Variants in PIGK observed in about 807,000 individuals in gnomAD.
PIGK encodes the protein phosphatidylinositol glycan anchor biosynthesis class K.
Under a neutral mutation model 50.6 loss-of-function variants are expected in PIGK, and 42 were observed. The observed-to-expected ratio is 0.83, with a 90% CI of 0.65 to 1.07. The LOEUF (loss-of-function observed/expected upper bound fraction) is 1.07, where lower values mean the gene tolerates loss of function less well. Ranked by LOEUF, PIGK falls within the 50% of genes least tolerant of loss-of-function variation. The pLI, the probability that PIGK is intolerant of heterozygous loss-of-function variation, is 0.00. For synonymous variants in PIGK, 151 were observed against 156.0 expected, an observed-to-expected ratio of 0.97 and a Z score of 0.24; for missense variants, 448 against 488.7, an observed-to-expected ratio of 0.92 and a Z score of 0.78.
At chr1:77,108,153 G>A (rs973629579) in intron 10 of PIGK, among the ~76,000 whole-genome samples, 11 of 152,170 alleles carry the variant, frequency 7.2e-5, no homozygotes, top group East Asian at 5.8e-4. Context: ...TGGTTATTTC[G>A]CTCGTTAGTT....
intron 2 of PIGK, among the ~76,000 whole-genome samples, chr1:77,208,791 A>C (rs1157840884): frequency 6.6e-6 from 1 of 152,214 alleles, no homozygotes; most frequent in Non-Finnish European, 1.5e-5. Context: ...TTACATTTAA[A>C]ACAAACAAGT....
intron 10 of PIGK, among the ~76,000 whole-genome samples, chr1:77,103,612 G>T (rs771633145): frequency 6.6e-6 from 1 of 152,188 alleles, no homozygotes; most frequent in Non-Finnish European, 1.5e-5. Flanking sequence ...CAAGCTCATT[G>T]CCTGTAGGCA....
intron 8 of PIGK, among the ~76,000 whole-genome samples, chr1:77,155,316 T>A (rs1570228232): frequency 6.6e-6 from 1 of 152,318 alleles, no homozygotes; most frequent in East Asian, 1.9e-4. Context: ...AATTTTTCTG[T>A]TAATCTTATC....
intron 3 of PIGK, among the ~76,000 whole-genome samples, chr1:77,173,702 G>A (rs895244278): frequency 1.2e-4 from 18 of 152,212 alleles, no homozygotes; most frequent in African/African-American, 3.4e-4. Context: ...TTGTCTTTCT[G>A]TATGGTTCTG....
chr1:77,131,693 G>A (rs1654374623), intron 9 of PIGK, among the ~76,000 whole-genome samples: 1 of 151,956 alleles, frequency 6.6e-6, no homozygotes, highest in African/African-American at 2.4e-5. Flanking sequence ...GTATTGATAT[G>A]ATGAAATACA....
At chr1:77,102,761 G>C (rs1226321195) in intron 10 of PIGK, among the ~76,000 whole-genome samples, 1 of 152,206 alleles carries the variant, frequency 6.6e-6, no homozygotes, top group Non-Finnish European at 1.5e-5. Flanking sequence ...TTTTGATGCA[G>C]ATAGTCCAGA....
At chr1:77,138,634 G>A (rs1654576362) in intron 9 of PIGK, among the ~76,000 whole-genome samples, 1 of 152,172 alleles carries the variant, frequency 6.6e-6, no homozygotes, top group Admixed American at 6.5e-5. Context: ...GTGTTGTCTT[G>A]CACTGCTGAG....
At chr1:77,160,374 G>A (rs533949068) in intron 8 of PIGK, among the ~76,000 whole-genome samples, 1 of 152,288 alleles carries the variant, frequency 6.6e-6, no homozygotes, top group East Asian at 1.9e-4. Context: ...GCCTATAGCA[G>A]TGGGCTTCAG....
intron 9 of PIGK, chr1:77,154,081 C>T (rs1352088871): frequency 3.5e-6 from 1 of 288,860 alleles, no homozygotes; most frequent in Non-Finnish European, 6.3e-6. Flanking sequence ...CTCCCCAAGG[C>T]AGTACCTGGT....
chr1:77,157,820 C>T (rs1655042117), intron 8 of PIGK, among the ~76,000 whole-genome samples: 1 of 152,044 alleles, frequency 6.6e-6, no homozygotes, highest in Non-Finnish European at 1.5e-5. Flanking sequence ...CAAATCTTTC[C>T]CATGCTGTTC....
intron 9 of PIGK, chr1:77,128,975 C>G (rs574504435): frequency 1.7e-6 from 1 of 601,922 alleles, no homozygotes; most frequent in Non-Finnish European, 3.0e-6. Context: ...GAAAATTACA[C>G]AAAATTTGAA....
At chr1:77,152,381 T>A (rs553172119) in intron 9 of PIGK, among the ~76,000 whole-genome samples, 1 of 152,142 alleles carries the variant, frequency 6.6e-6, no homozygotes, top group East Asian at 1.9e-4. Context: ...ATCTAAGACC[T>A]GAAACTGTGA....
intron 3 of PIGK, among the ~76,000 whole-genome samples, chr1:77,173,569 C>T (rs943820512): frequency 6.6e-6 from 1 of 152,184 alleles, no homozygotes; most frequent in African/African-American, 2.4e-5. Flanking sequence ...GACTTCTGGC[C>T]TCTCTCTGTG....
rs546248407 is a variant in PIGK, at chr1:77,142,706, A to G, written c.986+11743T>C. Among the ~76,000 whole-genome samples the G allele has an allele frequency of 1.0e-3, 159 of 152,168 alleles. 1 individual carries two copies. The highest frequency in any genetic ancestry group is 3.6e-3 in the African/African-American group (149 of 41,514). ...AGGGGAAAGGCCAGACACTTATAAA[A>G]CCATCAGATCTTATAAGAACCCACT... On this transcript the variant is annotated intron_variant, in intron 9 of 10. Coordinates refer to ENST00000370812, the MANE Select transcript of PIGK (RefSeq NM_005482.3).
chr1:77,212,155 C>T (rs893628564), intron 1 of PIGK, among the ~76,000 whole-genome samples: 4 of 152,154 alleles, frequency 2.6e-5, no homozygotes, highest in African/African-American at 7.2e-5. Flanking sequence ...TAACACCATC[C>T]TGACACCTAA....
intron 9 of PIGK, among the ~76,000 whole-genome samples, chr1:77,149,976 C>A (rs917178886): frequency 4.6e-5 from 7 of 150,550 alleles, no homozygotes; most frequent in Non-Finnish European, 8.9e-5. Flanking sequence ...ATGGAAATAA[C>A]ATTCTCCTGA....
chr1:77,110,298 C>T (rs1653808004), intron 10 of PIGK, among the ~76,000 whole-genome samples: 1 of 152,126 alleles, frequency 6.6e-6, no homozygotes, highest in African/African-American at 2.4e-5. Flanking sequence ...GCCCGCATTG[C>T]CAAGTCAATC....
chr1:77,101,341 G>A (rs1466964262), intron 10 of PIGK, among the ~76,000 whole-genome samples: 1 of 151,602 alleles, frequency 6.6e-6, no homozygotes, highest in Non-Finnish European at 1.5e-5. Flanking sequence ...TCACCTCCAG[G>A]TTAAGTCTAT....
intron 9 of PIGK, among the ~76,000 whole-genome samples, chr1:77,131,455 G>C (rs1238039722): frequency 6.6e-6 from 1 of 151,912 alleles, no homozygotes; most frequent in Non-Finnish European, 1.5e-5. Context: ...TGGGATTATA[G>C]CATGTATTCT....
Sources: allele counts gnomAD v4.1 joint callset (sites outside exome capture counted in the v4.1 genomes callset), GRCh38; gene constraint gnomAD v4.1.1; transcripts MANE v1.5; gene names NCBI Gene and HGNC (gene_info 2026-07-23, HGNC 2026-07-21).